Variants in EXOC6B observed in about 807,000 individuals in gnomAD.
EXOC6B encodes exocyst complex component 6B, also known as SEC15 homolog B.
Under a neutral mutation model 113.5 loss-of-function variants are expected in EXOC6B, and 54 were observed. The observed-to-expected ratio is 0.48, with a 90% CI of 0.38 to 0.60. The LOEUF (loss-of-function observed/expected upper bound fraction) is 0.60. EXOC6B is among the 20% of genes least tolerant of loss of function. The probability of loss-of-function intolerance (pLI) is 0.00; values close to 1 mark genes in which losing one functional copy is unlikely to be tolerated. For synonymous variants in EXOC6B, 357 were observed against 339.0 expected, an observed-to-expected ratio of 1.05 and a Z score of -0.58; for missense variants, 797 against 977.5, an observed-to-expected ratio of 0.82 and a Z score of 2.46.
At chr2:72,471,986 G>T (rs1274979770) in intron 17 of EXOC6B, among the ~76,000 whole-genome samples, 1 of 152,076 alleles carries the variant, frequency 6.6e-6, no homozygotes, top group African/African-American at 2.4e-5. Context: ...TGACCATATG[G>T]TTTTTACCCT....
intron 6 of EXOC6B, among the ~76,000 whole-genome samples, chr2:72,614,292 T>C (rs554408866): frequency 1.3e-5 from 2 of 152,104 alleles, no homozygotes; most frequent in South Asian, 2.1e-4. Context: ...TCCCACAAAA[T>C]CATAGTGTAC....
chr2:72,350,097 T>C (rs7607353), intron 19 of EXOC6B, among the ~76,000 whole-genome samples: 31,389 of 152,084 alleles, frequency 0.21, 6,081 homozygotes, highest in African/African-American at 0.52. Context: ...GCAGAAGTAA[T>C]TGTGAAAACT....
At chr2:72,538,662 G>C (rs1384703485) in intron 8 of EXOC6B, among the ~76,000 whole-genome samples, 1 of 152,034 alleles carries the variant, frequency 6.6e-6, no homozygotes, top group Non-Finnish European at 1.5e-5. Flanking sequence ...ACACAGAAGA[G>C]AAACTCTGTC....
intron 6 of EXOC6B, among the ~76,000 whole-genome samples, chr2:72,580,425 G>A (rs1705151795): frequency 6.6e-6 from 1 of 152,028 alleles, no homozygotes; most frequent in Non-Finnish European, 1.5e-5. Context: ...TTACAGGTGT[G>A]AGCCACCACA....
chr2:72,695,920 T>C (rs1455838150), intron 6 of EXOC6B, among the ~76,000 whole-genome samples: 3 of 152,132 alleles, frequency 2.0e-5, no homozygotes, highest in African/African-American at 7.2e-5. Context: ...GACATAACAA[T>C]ACCACTTGTG....
intron 6 of EXOC6B, among the ~76,000 whole-genome samples, chr2:72,666,542 A>G (rs1429367259): frequency 6.6e-6 from 1 of 152,164 alleles, no homozygotes; most frequent in Admixed American, 6.5e-5. Context: ...ATCAAGGAAG[A>G]AAAAGAAATG....
intron 19 of EXOC6B, among the ~76,000 whole-genome samples, chr2:72,373,424 A>C (rs1691161187): frequency 6.6e-6 from 1 of 152,214 alleles, no homozygotes; most frequent in African/African-American, 2.4e-5. Flanking sequence ...AAATAGGATC[A>C]CAACAAGTTA....
At chr2:72,274,123 C>T (rs955850873) in intron 20 of EXOC6B, among the ~76,000 whole-genome samples, 3 of 152,062 alleles carry the variant, frequency 2.0e-5, no homozygotes, top group African/African-American at 7.2e-5. Context: ...AACTATGATG[C>T]TTCTAACTAT....
At chr2:72,518,353 T>C (rs1298770604) in intron 8 of EXOC6B, among the ~76,000 whole-genome samples, 1 of 152,156 alleles carries the variant, frequency 6.6e-6, no homozygotes, top group African/African-American at 2.4e-5. Flanking sequence ...ACTTAATATA[T>C]ACTAAGTGGT....
intron 18 of EXOC6B, among the ~76,000 whole-genome samples, chr2:72,453,963 G>A (rs1697059122): frequency 1.3e-5 from 2 of 152,164 alleles, no homozygotes; most frequent in African/African-American, 4.8e-5. Context: ...TAGGACAGCA[G>A]GAGAGAGAAT....
At chr2:72,211,498 T>C (rs145124499) in intron 20 of EXOC6B, among the ~76,000 whole-genome samples, 7 of 152,274 alleles carry the variant, frequency 4.6e-5, no homozygotes, top group South Asian at 2.1e-4. Flanking sequence ...ATTTAATGAA[T>C]GCCTCCATGT....
At chr2:72,650,717 T>G (rs371730125) in intron 6 of EXOC6B, among the ~76,000 whole-genome samples, 16 of 151,736 alleles carry the variant, frequency 1.1e-4, no homozygotes, top group African/African-American at 3.1e-4. Flanking sequence ...AATATGCACA[T>G]GAAAAGATGT....
At chr2:72,322,643 T>C (rs1244242812) in intron 20 of EXOC6B, among the ~76,000 whole-genome samples, 1 of 152,090 alleles carries the variant, frequency 6.6e-6, no homozygotes, top group African/African-American at 2.4e-5. Flanking sequence ...AAAACAGATA[T>C]ATAGACCAAT....
At chr2:72,707,899 T>G (rs74925759) in intron 6 of EXOC6B, among the ~76,000 whole-genome samples, 38 of 152,140 alleles carry the variant, frequency 2.5e-4, no homozygotes, top group African/African-American at 9.2e-4. Flanking sequence ...AAGAAATATA[T>G]AGCAGATAAA....
chr2:72,343,501 CT>C (rs1288393152), intron 19 of EXOC6B, among the ~76,000 whole-genome samples: 1 of 152,118 alleles, frequency 6.6e-6, no homozygotes, highest in African/African-American at 2.4e-5. Context: ...ATGTATGTAC[CT>C]TGATTGAAAT....
chr2:72,782,920 C>T (rs1017634357), intron 1 of EXOC6B, among the ~76,000 whole-genome samples: 1 of 152,208 alleles, frequency 6.6e-6, no homozygotes, highest in South Asian at 2.1e-4. Flanking sequence ...ATCCATTCAT[C>T]CATTGATATG....
chr2:72,336,271 T>C (rs993493829), intron 19 of EXOC6B, among the ~76,000 whole-genome samples: 1 of 152,216 alleles, frequency 6.6e-6, no homozygotes, highest in Non-Finnish European at 1.5e-5. Flanking sequence ...GATATTTGCA[T>C]ATATGTCTAG....
chr2:72,624,642 A>T (rs1671941021), intron 6 of EXOC6B, among the ~76,000 whole-genome samples: 1 of 152,140 alleles, frequency 6.6e-6, no homozygotes, highest in Non-Finnish European at 1.5e-5. Context: ...GCTACTCAGG[A>T]GACTGAGGCA....
intron 6 of EXOC6B, among the ~76,000 whole-genome samples, chr2:72,631,320 T>A (rs1480606761): frequency 6.6e-6 from 1 of 150,966 alleles, no homozygotes; most frequent in Non-Finnish European, 1.5e-5. Context: ...TAATCCCATA[T>A]CACTGTTAAT....
Sources: allele counts gnomAD v4.1 joint callset (sites outside exome capture counted in the v4.1 genomes callset), GRCh38; gene constraint gnomAD v4.1.1; transcripts MANE v1.5; gene names NCBI Gene and HGNC (gene_info 2026-07-23, HGNC 2026-07-21).